TSPAN7: variants seen among roughly 807,000 people sequenced by gnomAD.
TSPAN7 encodes the protein tetraspanin-7.
A neutral mutation model predicts 17.6 loss-of-function variants in TSPAN7; 1 was observed. The observed-to-expected ratio is 0.06, with a 90% CI of 0.02 to 0.27. The LOEUF is 0.27. TSPAN7 is among the 10% of genes least tolerant of loss of function. The pLI, the probability that TSPAN7 is intolerant of heterozygous loss-of-function variation, is 1.00. For synonymous variants in TSPAN7, 78 were observed against 79.0 expected, an observed-to-expected ratio of 0.99 and a Z score of 0.07; for missense variants, 112 against 201.7, an observed-to-expected ratio of 0.56 and a Z score of 2.69.
At chrX:38,624,965 T>C (rs1569308581) in intron 1 of TSPAN7, among the ~76,000 whole-genome samples, 1 of 112,426 alleles carries the variant, frequency 8.9e-6, no homozygotes, top group East Asian at 2.8e-4. Context: ...CAGAGGTCTG[T>C]CCTAATTTTT....
At chrX:38,591,175 T>C (rs2069289219) in intron 1 of TSPAN7, among the ~76,000 whole-genome samples, 1 of 111,260 alleles carries the variant, frequency 9.0e-6, no homozygotes, top group African/African-American at 3.3e-5. Context: ...ATGCTATAAA[T>C]TTTTCCCTAA....
intron 1 of TSPAN7, among the ~76,000 whole-genome samples, chrX:38,588,246 A>T (rs1056179438): frequency 1.8e-5 from 2 of 111,159 alleles, no homozygotes; most frequent in African/African-American, 6.6e-5. Flanking sequence ...GTCTAACTTG[A>T]TTTGTGTCCT....
intron 1 of TSPAN7, among the ~76,000 whole-genome samples, chrX:38,580,063 G>A (rs1332684690): frequency 8.9e-6 from 1 of 112,410 alleles, no homozygotes; most frequent in Non-Finnish European, 1.9e-5. Flanking sequence ...CATGTCGACA[G>A]ACCTGGCTTT....
intron 2 of TSPAN7, among the ~76,000 whole-genome samples, chrX:38,668,153 A>G (rs2069795045): frequency 8.9e-6 from 1 of 112,271 alleles, no homozygotes. Flanking sequence ...CTTTAGCGGC[A>G]AGGATGTAAC....
chrX:38,687,113 T>C (rs1041855935), intron 6 of TSPAN7, among the ~76,000 whole-genome samples: 1 of 112,177 alleles, frequency 8.9e-6, no homozygotes, highest in African/African-American at 3.2e-5. Context: ...AACTATTATT[T>C]TGTCAGCTGG....
At chrX:38,599,769 A>G (rs1009968052) in intron 1 of TSPAN7, among the ~76,000 whole-genome samples, 12 of 111,842 alleles carry the variant, frequency 1.1e-4, no homozygotes, top group African/African-American at 3.2e-4. Context: ...AAAAATATGC[A>G]TCCTGTTTCT....
intron 1 of TSPAN7, among the ~76,000 whole-genome samples, chrX:38,594,849 A>G (rs1174271392): frequency 8.9e-6 from 1 of 111,750 alleles, no homozygotes; most frequent in Admixed American, 9.5e-5. Context: ...CATTTTGTGC[A>G]TGCATGGAGT....
intron 1 of TSPAN7, among the ~76,000 whole-genome samples, chrX:38,579,658 A>T (rs1403882195): frequency 9.0e-6 from 1 of 111,538 alleles, no homozygotes; most frequent in African/African-American, 3.3e-5. Flanking sequence ...AAAGAATTTT[A>T]TTTTGTTCCT....
intron 6 of TSPAN7, among the ~76,000 whole-genome samples, chrX:38,687,061 G>A (rs1339973579): frequency 9.0e-6 from 1 of 111,728 alleles, no homozygotes; most frequent in African/African-American, 3.3e-5. Flanking sequence ...TGGTGAATGT[G>A]CCTGATCAAG....
Position 38,583,935 on chromosome X carries a change from CT to C in TSPAN7, c.81+22316del, listed in dbSNP as rs1312681838. ...AGAAACATAAACCTGATTTTTTTTTCTTTTTTTTCTTTTCTTTTTTTTTTTT... is the reference window on the plus strand; with the variant it reads ...AGAAACATAAACCTGATTTTTTTTTCTTTTTTTCTTTTCTTTTTTTTTTTT... On this transcript the variant is annotated intron_variant, in intron 1 of 7. Coordinates refer to ENST00000378482, the MANE Select transcript of TSPAN7 (RefSeq NM_004615.4). Among the ~76,000 whole-genome samples, 16 of 86,290 alleles carry C rather than the reference CT, an allele frequency of 1.9e-4. No individual in the cohort carries two copies. In the South Asian group the frequency reaches 4.4e-3, roughly 24 times the overall value. 74.9% of individuals were successfully genotyped at this position (86,290 alleles called of 115,157 possible).
At chrX:38,570,795 C>T (rs2069165242) in intron 1 of TSPAN7, 1 of 111,709 alleles carries the variant, frequency 9.0e-6, no homozygotes, top group African/African-American at 3.3e-5. Context: ...TGTTATTCCC[C>T]TTGCCATGAC....
At chrX:38,674,110 C>T in intron 3 of TSPAN7, 111 bp from the exon 4 acceptor site, 1 of 617,530 alleles carries the variant, frequency 1.6e-6, no homozygotes, top group Non-Finnish European at 2.7e-6. Context: ...CCCTGGCCTA[C>T]ATTTATACAG....
intron 1 of TSPAN7, among the ~76,000 whole-genome samples, chrX:38,646,496 A>G (rs568560663): frequency 8.9e-6 from 1 of 112,138 alleles, no homozygotes; most frequent in South Asian, 3.7e-4. Flanking sequence ...AAACCAAAGG[A>G]GGGAGGTGTA....
chrX:38,583,621 G>A (rs551551269), intron 1 of TSPAN7, among the ~76,000 whole-genome samples: 2 of 112,033 alleles, frequency 1.8e-5, no homozygotes, highest in East Asian at 5.6e-4. Context: ...AGTTCACGAG[G>A]TGCTGGTGTG....
intron 4 of TSPAN7, among the ~76,000 whole-genome samples, chrX:38,674,696 G>A (rs2069842017): frequency 9.0e-6 from 1 of 111,610 alleles, no homozygotes; most frequent in Admixed American, 9.5e-5. Flanking sequence ...GAGCTCAGGC[G>A]AGCTGCATTC....
At chrX:38,577,332 A>G (rs961637143) in intron 1 of TSPAN7, among the ~76,000 whole-genome samples, 2 of 111,053 alleles carry the variant, frequency 1.8e-5, no homozygotes, top group Admixed American at 1.9e-4. Context: ...GACCATCTCT[A>G]TACTTCCTCA....
At chrX:38,667,992 T>C (rs2147450755) in intron 2 of TSPAN7, among the ~76,000 whole-genome samples, 1 of 112,169 alleles carries the variant, frequency 8.9e-6, no homozygotes, top group Non-Finnish European at 1.9e-5. Flanking sequence ...TAGCCAGTAT[T>C]GAGAACCTTT....
chrX:38,669,431 G>T (rs1001157625), intron 2 of TSPAN7, among the ~76,000 whole-genome samples: 3 of 111,686 alleles, frequency 2.7e-5, no homozygotes, highest in Non-Finnish European at 5.6e-5. Flanking sequence ...GCTGGGATTT[G>T]AACCCTTGTA....
At chrX:38,652,801 T>C (rs1371568810) in intron 1 of TSPAN7, among the ~76,000 whole-genome samples, 1 of 112,067 alleles carries the variant, frequency 8.9e-6, no homozygotes, top group Non-Finnish European at 1.9e-5. Flanking sequence ...TCCTGGCTAT[T>C]GACAATTAGA....
Sources: gnomAD v4.1 joint callset for allele counts (sites outside exome capture counted in the v4.1 genomes callset) on GRCh38, gnomAD v4.1.1 for gene constraint, MANE v1.5 for transcripts, NCBI Gene and HGNC (gene_info 2026-07-23, HGNC 2026-07-21) for gene names.